GKN1: variants seen among roughly 807,000 people sequenced by gnomAD.
GKN1 encodes gastrokine 1.
In GKN1, 17 loss-of-function variants were observed where a neutral mutation model predicts 19.7. The observed-to-expected ratio is 0.86, with a 90% CI of 0.59 to 1.29. The LOEUF (loss-of-function observed/expected upper bound fraction) is 1.29. Among genes scored for constraint, GKN1 ranks in the 50% most tolerant of loss-of-function variants. The pLI is 0.00. For synonymous variants in GKN1, 96 were observed against 78.3 expected (o/e 1.23, Z -1.20); for missense variants, 218 against 224.5 (o/e 0.97, Z 0.19).
chr2:68,978,056 G>T (rs1038258935), intron 3 of GKN1: 5 of 386,216 alleles, frequency 1.3e-5, no homozygotes, highest in Non-Finnish European at 2.4e-5. Flanking sequence ...TGCCTTGCCT[G>T]CAGATACCCT....
Position 68,977,502 on chromosome 2 carries a change from T to G in GKN1, c.20T>G (p.Phe7Cys), listed in dbSNP as rs1670278917. 1.2e-6 allele frequency: 2 copies of G among 1,607,270 alleles called. No individual in the cohort carries two copies. Among genetic ancestry groups the G allele is most frequent in the African/African-American group, 1.3e-5 (1 of 74,762 alleles). The change falls in exon 2 of 6, where the codon TTT becomes TGT. Residue 7 changes from phenylalanine (F) to cysteine (C), a missense_variant. Coordinates refer to ENST00000377938, the MANE Select transcript of GKN1 (RefSeq NM_019617.4). ...TGTTATTTGTGATTTCAGATTGTCT[T>G]TGCTGGACTTCTTGGAGTCTTTCTA... MKFTIV[F>C]AGLLGVFLAP...
rs1356640398 is a variant in GKN1, at chr2:68,980,789, A to T, written c.524A>T (p.Asp175Val). 1.9e-6 allele frequency: 3 copies of T among 1,593,216 alleles called. No individual in the cohort carries two copies. The change falls in exon 6 of 6, where the codon GAC becomes GTC. Residue 175 changes from aspartate to valine, a missense_variant. Asp to Val is a radical substitution (Grantham distance 152). Transcript: ENST00000377938. ...CYTTSVLWIVDISFCGDTVEN is the reference protein window; with the variant it reads ...CYTTSVLWIVVISFCGDTVEN ...ACGACCAGTGTACTATGGATTGTGGACATTTCCTTCTGTGGAGACACGGTG... is the reference window on the plus strand; with the variant it reads ...ACGACCAGTGTACTATGGATTGTGGTCATTTCCTTCTGTGGAGACACGGTG...
At chr2:68,978,810 C>T (rs13424275) in intron 3 of GKN1, 61 bp from the exon 4 acceptor site, 112,349 of 887,150 alleles carry the variant, frequency 0.13, 9,463 homozygotes, top group African/African-American at 0.31. Flanking sequence ...TGGAACTGAC[C>T]TCTGATAAGA....
chr2:68,980,645 G>C, intron 5 of GKN1, 84 bp from the exon 6 acceptor site: 1 of 728,880 alleles, frequency 1.4e-6, no homozygotes, highest in South Asian at 1.5e-5. Context: ...TAGCTAGTTT[G>C]GAAACCCCTA....
At position 68,978,775 on chromosome 2, in the gene GKN1, T is replaced by C. The variant is rs1670315781; in HGVS notation, c.205-96T>C. The C allele has an allele frequency of 7.0e-5, 46 of 660,118 alleles. No homozygotes were observed. In the South Asian group the frequency reaches 8.7e-4, roughly 12 times the overall value. The allele number at this position is 660,118 out of a possible 1,614,324, so 40.9% of individuals were successfully genotyped here. A position where few individuals can be genotyped will look rare whatever the true frequency, so the allele number is the denominator to read the frequency against. On this transcript the variant is annotated intron_variant, in intron 3 of 5. Transcript: ENST00000377938. ...CTCTTATCCCAGCTCATCACGATCT[T>C]GGAGTTCCCATTTCTCTCTGCAGGT...
chr2:68,978,262 A>AGGAAGGAAGGAAGGAT (rs1670299995), intron 3 of GKN1, among the ~76,000 whole-genome samples: 3 of 134,480 alleles, frequency 2.2e-5, no homozygotes, highest in Non-Finnish European at 3.0e-5. Flanking sequence ...GAAAGAAAGA[A>AGGAAGGAAGGAAGGAT]GGAAGGAAGG....
Position 68,977,794 on chromosome 2 carries a change from T to C in GKN1, c.204+20T>C. On this transcript the variant is annotated intron_variant, in intron 3 of 5. Transcript: ENST00000377938. ...GGAAATGTAGGTAGTCAACGTGCAA[T>C]TTTCACTTTATTGTTTAAAAATACG... 1 of 1,578,278 alleles carries C rather than the reference T, an allele frequency of 6.3e-7. No individual in the cohort carries two copies. The highest frequency in any genetic ancestry group is 8.7e-7 in the Non-Finnish European group (1 of 1,149,198).
In GKN1 at chr2:68,980,769, C is replaced by T; in HGVS notation, c.504C>T (p.Thr168=). The T allele has an allele frequency of 6.3e-7, 1 of 1,599,378 alleles. No homozygotes were observed. The highest frequency in any genetic ancestry group is 1.1e-5 in the South Asian group (1 of 90,758). Reference sequence around the variant, plus strand: ...TTTACTCAGGAACGTGCTACACGACCAGTGTACTATGGATTGTGGACATTT... The same window carrying T: ...TTTACTCAGGAACGTGCTACACGACTAGTGTACTATGGATTGTGGACATTT... ...LFFYSGTCYT[T]SVLWIVDISF... The change falls in exon 6 of 6, where the codon ACC becomes ACT. Residue 168 remains threonine (T), a synonymous_variant. Transcript: ENST00000377938.
At position 68,974,698 on chromosome 2, in the gene GKN1, A is replaced by AT. The variant is rs779900858; in HGVS notation, c.12+14dup. ...ACAAGATGAAGTTCACAGTGAGTAG[A>AT]TTTTTCCTTTTGAATTTACCACCAA... On this transcript the variant is annotated intron_variant, in intron 1 of 5. Transcript: ENST00000377938. 6 of 1,560,338 alleles carry AT rather than the reference A, an allele frequency of 3.8e-6. No homozygotes were observed. The highest frequency in any genetic ancestry group is 5.3e-6 in the Non-Finnish European group (6 of 1,131,022).
At chr2:68,977,243 A>G (rs1031673408) in intron 1 of GKN1, among the ~76,000 whole-genome samples, 2 of 152,158 alleles carry the variant, frequency 1.3e-5, no homozygotes, top group Non-Finnish European at 2.9e-5. Flanking sequence ...CCAGCGTTTC[A>G]TAAGGCCTAC....
intron 1 of GKN1, among the ~76,000 whole-genome samples, chr2:68,976,543 A>C (rs1039521190): frequency 2.1e-4 from 32 of 152,336 alleles, no homozygotes; most frequent in Admixed American, 5.2e-4. Flanking sequence ...CATAAGCCAC[A>C]GTACAAATTT....
At chr2:68,978,285 A>G (rs1432392990) in intron 3 of GKN1, among the ~76,000 whole-genome samples, 49 of 129,554 alleles carry the variant, frequency 3.8e-4, no homozygotes, top group African/African-American at 7.0e-4. Flanking sequence ...AGAAAGAAAG[A>G]AAGAAAGAAA....
intron 1 of GKN1, among the ~76,000 whole-genome samples, 174 bp downstream of exon 1, chr2:68,974,863 G>A (rs568589935): frequency 3.2e-4 from 49 of 152,250 alleles, no homozygotes; most frequent in African/African-American, 1.2e-3. Context: ...GTCCTGTTGG[G>A]GGGTGGAGAG....
intron 4 of GKN1, 22 bp downstream of exon 4, chr2:68,979,003 T>C (rs1421115410): frequency 3.2e-6 from 4 of 1,265,086 alleles, no homozygotes; most frequent in African/African-American, 1.5e-5. Flanking sequence ...AGGCTTTTTA[T>C]TTTTGGTGAG....
intron 4 of GKN1, 146 bp downstream of exon 4, chr2:68,979,127 G>A: frequency 1.9e-6 from 1 of 535,362 alleles, no homozygotes; most frequent in Non-Finnish European, 3.4e-6. Flanking sequence ...GATTGCCTGA[G>A]GGAAGGCAAC....
At position 68,978,263 on chromosome 2, in the gene GKN1, G is replaced by A. The variant is rs58184663; in HGVS notation, c.204+489G>A. On this transcript the variant is annotated intron_variant, in intron 3 of 5. Coordinates refer to ENST00000377938, the MANE Select transcript of GKN1 (RefSeq NM_019617.4). Reference sequence around the variant, plus strand: ...AAGAAGGAAGGAAAGAAAGAAAGAAGGAAGGAAGGAAAGAAAGAAAGAAAG... The same window carrying A: ...AAGAAGGAAGGAAAGAAAGAAAGAAAGAAGGAAGGAAAGAAAGAAAGAAAG... Among the ~76,000 whole-genome samples the A allele has an allele frequency of 4.7e-3, 341 of 72,544 alleles. 3 individuals are homozygous for A. Among genetic ancestry groups the A allele is most frequent in the African/African-American group, 0.032 (303 of 9,352 alleles). The allele number at this position is 72,544 out of a possible 152,430, so 47.6% of individuals were successfully genotyped here. A position where few individuals can be genotyped will look rare whatever the true frequency, so the allele number is the denominator to read the frequency against.
In GKN1 at chr2:68,977,716, C is replaced by T. The variant is rs1573742966; in HGVS notation, c.146C>T (p.Ala49Val). 1 of 1,606,950 alleles carries T rather than the reference C, an allele frequency of 6.2e-7. No homozygotes were observed. The highest frequency in any genetic ancestry group is 8.5e-7 in the Non-Finnish European group (1 of 1,173,528). ...AGTGTCAACAATGAACACAATGTGG[C>T]CAATGTTGACAATAACAACGGATGG... Reference protein sequence around the residue: ...SVSVNNEHNVANVDNNNGWDS... With the variant: ...SVSVNNEHNVVNVDNNNGWDS... Residue 49 changes from alanine to valine, a missense_variant, in exon 3 of 6, where the codon GCC (alanine) becomes GTC (valine). Ala to Val is a moderately conservative substitution (Grantham distance 64). Transcript: ENST00000377938.
chr2:68,979,477 G>A (rs1176414063), intron 4 of GKN1, among the ~76,000 whole-genome samples: 1 of 152,198 alleles, frequency 6.6e-6, no homozygotes. Flanking sequence ...ACTAATCCAG[G>A]TGAGTGGAAA....
rs373563392 is a variant in GKN1, at chr2:68,980,364, T to C, written c.463+304T>C. On this transcript the variant is annotated intron_variant, in intron 5 of 5. Transcript: ENST00000377938. ...ATTTTGGCTGTGGATTCTGTGCTCTTAAATATTATGGAACACTGCCTTTTA... is the reference window on the plus strand; with the variant it reads ...ATTTTGGCTGTGGATTCTGTGCTCTCAAATATTATGGAACACTGCCTTTTA... Among the ~76,000 whole-genome samples the C allele has an allele frequency of 5.3e-5, 8 of 152,322 alleles. No homozygotes were observed. The East Asian group carries it at 9.6e-4, about 18-fold the overall frequency.
Sources: allele counts gnomAD v4.1 joint callset (sites outside exome capture counted in the v4.1 genomes callset), GRCh38; gene constraint gnomAD v4.1.1; transcripts MANE v1.5; gene names NCBI Gene and HGNC (gene_info 2026-07-23, HGNC 2026-07-21).